Variants in LRPAP1 observed in about 807,000 individuals in gnomAD.
LRPAP1 encodes the protein alpha-2-macroglobulin receptor-associated protein.
Under a neutral mutation model 39.9 loss-of-function variants are expected in LRPAP1, and 41 were observed. The observed-to-expected ratio is 1.03, with a 90% CI of 0.80 to 1.33. The LOEUF (loss-of-function observed/expected upper bound fraction) is 1.33, where lower values mean the gene tolerates loss of function less well. LRPAP1 is among the 40% of genes most tolerant of loss of function. The probability of loss-of-function intolerance (pLI) is 0.00; values close to 1 mark genes in which losing one functional copy is unlikely to be tolerated. For synonymous variants in LRPAP1, 263 were observed against 212.7 expected, an observed-to-expected ratio of 1.24 and a Z score of -2.06; for missense variants, 565 against 482.3, an observed-to-expected ratio of 1.17 and a Z score of -1.61.
intron 6 of LRPAP1, chr4:3,515,901 C>T: frequency 8.4e-6 from 5 of 592,780 alleles, no homozygotes; most frequent in Non-Finnish European, 1.5e-5. Flanking sequence ...AGAACCAAAG[C>T]CCCTCCCTCC....
Position 3,512,798 on chromosome 4 carries a change from C to G in LRPAP1, c.*176G>C, listed in dbSNP as rs1296401040. ...ATCTCAGACCCAAATGCTACCACCA[C>G]CAAGCCCTGTGTCGCGACGGCAGCG... On this transcript the variant is annotated 3_prime_UTR_variant, in exon 8 of 8. Coordinates refer to ENST00000650182, the MANE Select transcript of LRPAP1 (RefSeq NM_002337.4). The G allele has an allele frequency of 1.7e-6, 1 of 602,818 alleles. No homozygotes were observed. Among genetic ancestry groups the G allele is most frequent in the Non-Finnish European group, 2.9e-6 (1 of 340,242 alleles). The allele number at this position is 602,818 out of a possible 1,614,324, so 37.3% of individuals were successfully genotyped here. A position where few individuals can be genotyped will look rare whatever the true frequency, so the allele number is the denominator to read the frequency against.
intron 5 of LRPAP1, among the ~76,000 whole-genome samples, chr4:3,516,859 C>T (rs1276507105): frequency 2.0e-5 from 3 of 152,194 alleles, no homozygotes; most frequent in African/African-American, 7.2e-5. Context: ...CCTTCCTGCT[C>T]AGGACCCCGA....
At chr4:3,513,175 C>A (rs2108687002) in intron 7 of LRPAP1, 139 bp from the exon 8 acceptor site, 2 of 640,956 alleles carry the variant, frequency 3.1e-6, no homozygotes, top group South Asian at 1.9e-5. Context: ...ATTCCACACC[C>A]ATCCAGAAAT....
At chr4:3,520,340 G>C in intron 2 of LRPAP1, 147 bp from the exon 3 acceptor site, 1 of 746,942 alleles carries the variant, frequency 1.3e-6, no homozygotes, top group Non-Finnish European at 2.2e-6. Flanking sequence ...ATGACCACTG[G>C]AGATCTGGGG....
chr4:3,512,788 G>C lies in LRPAP1; in HGVS notation c.*186C>G, dbSNP rs1224260232. On this transcript the variant is annotated 3_prime_UTR_variant, in exon 8 of 8. Coordinates refer to ENST00000650182, the MANE Select transcript of LRPAP1 (RefSeq NM_002337.4). ...AGCTGGGCCGATCTCAGACCCAAAT[G>C]CTACCACCACCAAGCCCTGTGTCGC... is the stretch of plus-strand genomic sequence containing the variant. 1.7e-6 allele frequency: 1 copy of C among 592,712 alleles called. No individual in the cohort carries two copies. The highest frequency in any genetic ancestry group is 3.0e-6 in the Non-Finnish European group (1 of 333,424). The allele number at this position is 592,712 out of a possible 1,614,324, so 36.7% of individuals were successfully genotyped here.
Position 3,504,638 on chromosome 4 carries a change from T to C in LRPAP1, c.*8336A>G, listed in dbSNP as rs1729296049. Among the ~76,000 whole-genome samples, 1 of 151,622 alleles carries C rather than the reference T, an allele frequency of 6.6e-6. No homozygotes were observed. The highest frequency in any genetic ancestry group is 1.5e-5 in the Non-Finnish European group (1 of 67,982). ...GGTGGTAGGGGCCTGTAATCCCAGC[T>C]ACTTGCGAGGCTGAGGCAGGAGAAT... is the stretch of plus-strand genomic sequence containing the variant. On this transcript the variant is annotated 3_prime_UTR_variant, in exon 8 of 8. Coordinates refer to ENST00000650182, the MANE Select transcript of LRPAP1 (RefSeq NM_002337.4).
intron 2 of LRPAP1, among the ~76,000 whole-genome samples, chr4:3,522,181 C>G (rs993510990): frequency 9.2e-5 from 14 of 152,222 alleles, no homozygotes; most frequent in Non-Finnish European, 1.9e-4. Context: ...GTCCCACCCC[C>G]AGGCCGTGCA....
At chr4:3,524,589 GCC>G (rs1730021070) in intron 2 of LRPAP1, among the ~76,000 whole-genome samples, 1 of 152,232 alleles carries the variant, frequency 6.6e-6, no homozygotes, top group African/African-American at 2.4e-5. Context: ...TGCCCAATGG[GCC>G]CCTTGGCCAA....
chr4:3,532,376 G>GC lies in LRPAP1; in HGVS notation c.36dup (p.Leu13AlafsTer70). Reference sequence around the variant, plus strand: ...AGCAGCAGCAGTAGCAGCGCCGGGAGCCCGCGCAGAAACGACCTGACCCTC... The same window carrying GC: ...AGCAGCAGCAGTAGCAGCGCCGGGAGCCCCGCGCAGAAACGACCTGACCCTC... On this transcript the variant is annotated frameshift_variant, in exon 1 of 8. Transcript: ENST00000650182. LOFTEE classifies it high-confidence loss of function. 2.5e-6 allele frequency: 4 copies of GC among 1,592,170 alleles called. No homozygotes were observed. The highest frequency in any genetic ancestry group is 3.4e-6 in the Non-Finnish European group (4 of 1,169,988).
At chr4:3,518,348 G>T (rs980358003) in intron 4 of LRPAP1, among the ~76,000 whole-genome samples, 156 bp from the exon 5 acceptor site, 1 of 150,588 alleles carries the variant, frequency 6.6e-6, no homozygotes, top group Non-Finnish European at 1.5e-5. Context: ...CCGCAGAAAC[G>T]ACCGTTGGCA....
chr4:3,525,073 C>G, intron 1 of LRPAP1, 22 bp from the exon 2 acceptor site: 12 of 1,613,384 alleles, frequency 7.4e-6, no homozygotes, highest in Non-Finnish European at 1.0e-5. Context: ...GGGGAGGAGC[C>G]TGTGAGCCAC....
intron 4 of LRPAP1, 21 bp from the exon 5 acceptor site, chr4:3,518,213 C>A (rs534512508): frequency 6.2e-7 from 1 of 1,601,002 alleles, no homozygotes; most frequent in East Asian, 2.2e-5. Context: ...GAAGGCAGGA[C>A]GCCATGAGGC....
intron 4 of LRPAP1, 80 bp from the exon 5 acceptor site, chr4:3,518,272 G>T: frequency 7.0e-7 from 1 of 1,437,040 alleles, no homozygotes; most frequent in South Asian, 1.4e-5. Context: ...AACGCCCACT[G>T]CTGGGGAGCT....
rs1729341672 is a variant in LRPAP1, at chr4:3,505,934, G to C, written c.*7040C>G. ...CCTGCTCCGAGCCTGCTCTGGTCAA[G>C]GTGGGCAATGCTGCCCTTCATGTAC... is the stretch of plus-strand genomic sequence containing the variant. On this transcript the variant is annotated 3_prime_UTR_variant, in exon 8 of 8. Transcript: ENST00000650182. Among the ~76,000 whole-genome samples the C allele has an allele frequency of 6.6e-6, 1 of 152,374 alleles. No homozygotes were observed. The highest frequency in any genetic ancestry group is 2.4e-5 in the African/African-American group (1 of 41,602).
chr4:3,520,328 G>A, intron 2 of LRPAP1, 135 bp from the exon 3 acceptor site: 2 of 862,538 alleles, frequency 2.3e-6, no homozygotes, highest in South Asian at 1.7e-5. Context: ...CCTGTTTCCT[G>A]GATGACCACT....
chr4:3,515,687 C>CA (rs1409219620), intron 6 of LRPAP1, among the ~76,000 whole-genome samples: 1 of 152,176 alleles, frequency 6.6e-6, no homozygotes, highest in Non-Finnish European at 1.5e-5. Flanking sequence ...AATGATCTGG[C>CA]ACTCCACACG....
chr4:3,504,973 G>C lies in LRPAP1; in HGVS notation c.*8001C>G, dbSNP rs1319791680. On this transcript the variant is annotated 3_prime_UTR_variant, in exon 8 of 8. Transcript: ENST00000650182. ...AGAAAAAAATAAATAACAAAGAACA[G>C]AAGACAACATGACCCCACAAGTGAA... 6.6e-6 allele frequency among the ~76,000 whole-genome samples: 1 copy of C among 151,952 alleles called. No individual in the cohort carries two copies. The highest frequency in any genetic ancestry group is 2.4e-5 in the African/African-American group (1 of 41,358).
chr4:3,521,343 C>T (rs1729903798), intron 2 of LRPAP1, among the ~76,000 whole-genome samples: 1 of 152,194 alleles, frequency 6.6e-6, no homozygotes, highest in Non-Finnish European at 1.5e-5. Flanking sequence ...GACCTCTTCA[C>T]CCAGATGGTG....
chr4:3,529,048 C>T (rs1391182397), intron 1 of LRPAP1, among the ~76,000 whole-genome samples: 1 of 152,142 alleles, frequency 6.6e-6, no homozygotes, highest in Admixed American at 6.5e-5. Context: ...CGTGCGGTGC[C>T]TCCTGGGACT....
Sources: allele counts gnomAD v4.1 joint callset (sites outside exome capture counted in the v4.1 genomes callset), GRCh38; gene constraint gnomAD v4.1.1; transcripts MANE v1.5; gene names NCBI Gene and HGNC (gene_info 2026-07-23, HGNC 2026-07-21).